Variants in PDZRN4 observed in about 807,000 individuals in gnomAD.
The protein encoded by PDZRN4 is PDZ domain-containing RING finger protein 4.
PDZRN4 carries 70 observed loss-of-function variants against 99.0 expected under a neutral mutation model. The observed-to-expected ratio is 0.71, with a 90% CI of 0.58 to 0.86. PDZRN4 has a LOEUF of 0.86. PDZRN4 is among the 40% of genes least tolerant of loss of function. PDZRN4 has a pLI of 0.00. For synonymous variants in PDZRN4, 551 were observed against 501.6 expected (o/e 1.10, Z -1.32); for missense variants, 1,474 against 1,331.2 (o/e 1.11, Z -1.67).
chr12:41,224,003 G>A (rs1230380490), intron 3 of PDZRN4, among the ~76,000 whole-genome samples: 1 of 152,220 alleles, frequency 6.6e-6, no homozygotes, highest in African/African-American at 2.4e-5. Context: ...GTAGGAGGGG[G>A]ACTAAGTTCT....
intron 5 of PDZRN4, among the ~76,000 whole-genome samples, chr12:41,520,263 C>A (rs285570): frequency 1.3e-5 from 2 of 151,954 alleles, no homozygotes; most frequent in African/African-American, 2.4e-5. Flanking sequence ...GGCCTCTGCC[C>A]TCTCTTCCAT....
intron 3 of PDZRN4, among the ~76,000 whole-genome samples, chr12:41,368,561 A>C (rs1859609570): frequency 6.6e-6 from 1 of 152,212 alleles, no homozygotes; most frequent in South Asian, 2.1e-4. Context: ...TTTTCCAAAT[A>C]ACTCTCAATC....
intron 3 of PDZRN4, among the ~76,000 whole-genome samples, chr12:41,196,830 A>C (rs929354273): frequency 6.6e-6 from 1 of 152,116 alleles, no homozygotes; most frequent in Non-Finnish European, 1.5e-5. Flanking sequence ...TAAAGATAAT[A>C]ATTTATTTTC....
At chr12:41,335,617 G>A (rs12369680) in intron 3 of PDZRN4, among the ~76,000 whole-genome samples, 72,466 of 151,914 alleles carry the variant, frequency 0.48, 17,805 homozygotes, top group Middle Eastern at 0.65. Flanking sequence ...TATAATGTTT[G>A]CCCAGGATAT....
intron 3 of PDZRN4, among the ~76,000 whole-genome samples, chr12:41,289,138 T>C (rs1253129715): frequency 6.6e-6 from 1 of 152,152 alleles, no homozygotes; most frequent in Admixed American, 6.5e-5. Context: ...CAGCCCTTTC[T>C]TTTTGATGCA....
intron 3 of PDZRN4, among the ~76,000 whole-genome samples, chr12:41,289,767 T>G (rs1560448): frequency 0.13 from 20,148 of 152,148 alleles, 1,744 homozygotes; most frequent in African/African-American, 0.25. Context: ...GATTAGGAAA[T>G]CATGAAGCAC....
At chr12:41,494,917 G>T (rs958542427) in intron 3 of PDZRN4, among the ~76,000 whole-genome samples, 2 of 152,186 alleles carry the variant, frequency 1.3e-5, no homozygotes, top group African/African-American at 4.8e-5. Context: ...TCAAACTGAT[G>T]TGAAATACCA....
chr12:41,189,435 C>T (rs1950721156), intron 1 of PDZRN4, among the ~76,000 whole-genome samples: 1 of 152,148 alleles, frequency 6.6e-6, no homozygotes, highest in Admixed American at 6.5e-5. Flanking sequence ...ACCGTCTCTG[C>T]CTATTTTTTG....
chr12:41,492,409 C>CA (rs1254261989), intron 3 of PDZRN4, among the ~76,000 whole-genome samples: 1 of 152,130 alleles, frequency 6.6e-6, no homozygotes, highest in East Asian at 1.9e-4. Flanking sequence ...CTGTTCTTAT[C>CA]ATGGATAGCA....
At chr12:41,495,468 A>G (rs1006127052) in intron 3 of PDZRN4, among the ~76,000 whole-genome samples, 1 of 152,082 alleles carries the variant, frequency 6.6e-6, no homozygotes, top group African/African-American at 2.4e-5. Flanking sequence ...ACTGAAATCC[A>G]TGTGAATGGC....
intron 3 of PDZRN4, among the ~76,000 whole-genome samples, chr12:41,287,973 G>T (rs1414262122): frequency 1.3e-5 from 2 of 152,136 alleles, no homozygotes; most frequent in Non-Finnish European, 2.9e-5. Flanking sequence ...TATCAGTGAA[G>T]CCCCTTTGTT....
chr12:41,290,486 C>T (rs1490534516), intron 3 of PDZRN4, among the ~76,000 whole-genome samples: 1 of 152,004 alleles, frequency 6.6e-6, no homozygotes, highest in African/African-American at 2.4e-5. Flanking sequence ...CAGAAAATTC[C>T]TTCACATATG....
At chr12:41,342,375 T>C (rs1951824823) in intron 3 of PDZRN4, among the ~76,000 whole-genome samples, 1 of 151,774 alleles carries the variant, frequency 6.6e-6, no homozygotes, top group Non-Finnish European at 1.5e-5. Flanking sequence ...TAAAATGCTT[T>C]GCACAGCAAA....
At chr12:41,532,696 T>G (rs1173637438) in intron 5 of PDZRN4, among the ~76,000 whole-genome samples, 1 of 152,148 alleles carries the variant, frequency 6.6e-6, no homozygotes, top group Admixed American at 6.5e-5. Flanking sequence ...AGCTCTTCCA[T>G]TTTTGGATTG....
At chr12:41,418,916 G>T (rs1412169248) in intron 3 of PDZRN4, among the ~76,000 whole-genome samples, 1 of 152,100 alleles carries the variant, frequency 6.6e-6, no homozygotes, top group African/African-American at 2.4e-5. Flanking sequence ...AGTCAAATGT[G>T]ACAAATCTCC....
At chr12:41,280,221 G>GATTCCCTCGGGTCTTTGCA (rs1399668823) in intron 3 of PDZRN4, among the ~76,000 whole-genome samples, 5 of 152,190 alleles carry the variant, frequency 3.3e-5, no homozygotes, top group Non-Finnish European at 2.9e-5. Flanking sequence ...GCAACCCACA[G>GATTCCCTCGGGTCTTTGCA]ACCAAGAGAT....
At chr12:41,488,071 A>C (rs141285689) in intron 3 of PDZRN4, among the ~76,000 whole-genome samples, 4 of 152,330 alleles carry the variant, frequency 2.6e-5, no homozygotes, top group Non-Finnish European at 5.9e-5. Context: ...ATAGTCAAGT[A>C]CTATTTTCAG....
intron 5 of PDZRN4, among the ~76,000 whole-genome samples, chr12:41,549,090 G>A (rs1221672821): frequency 6.6e-6 from 1 of 152,130 alleles, no homozygotes; most frequent in East Asian, 1.9e-4. Context: ...AGTGACAAAT[G>A]ACTTATGGAT....
chr12:41,238,379 T>A (rs1951080451), intron 3 of PDZRN4, among the ~76,000 whole-genome samples: 1 of 152,122 alleles, frequency 6.6e-6, no homozygotes, highest in South Asian at 2.1e-4. Flanking sequence ...AAATGGGATT[T>A]AATTAAACTA....
Sources: allele counts gnomAD v4.1 joint callset (sites outside exome capture counted in the v4.1 genomes callset), GRCh38; gene constraint gnomAD v4.1.1; transcripts MANE v1.5; gene names NCBI Gene and HGNC (gene_info 2026-07-23, HGNC 2026-07-21).